Variants in PCDH9 observed in about 807,000 individuals in gnomAD.
The protein encoded by PCDH9 is protocadherin-9.
Under a neutral mutation model 70.6 loss-of-function variants are expected in PCDH9, and 24 were observed. The observed-to-expected ratio is 0.34, with a 90% CI of 0.25 to 0.48. The LOEUF (loss-of-function observed/expected upper bound fraction) is 0.48, where lower values mean the gene tolerates loss of function less well. Among genes scored for constraint, PCDH9 ranks in the 20% least tolerant of loss-of-function variants. The probability of loss-of-function intolerance (pLI) is 0.99; values close to 1 mark genes in which losing one functional copy is unlikely to be tolerated. For synonymous variants in PCDH9, 562 were observed against 558.5 expected (o/e 1.01, Z -0.09); for missense variants, 1,281 against 1,503.6 (o/e 0.85, Z 2.45).
Position 66,303,124 on chromosome 13 carries a change from T to C in PCDH9, c.*1531A>G, listed in dbSNP as rs28657574. ...TTTTAAATTTTTTGTTTTTTTTTTG[T>C]TTTTTTTACTTTTAAATTGATGGTG... On this transcript the variant is annotated 3_prime_UTR_variant, in exon 5 of 5. Transcript: ENST00000377865. 1 of 151,408 alleles carries C rather than the reference T, an allele frequency of 6.6e-6. No individual in the cohort carries two copies. Among genetic ancestry groups the C allele is most frequent in the East Asian group, 2.0e-4 (1 of 5,042 alleles). The allele number at this position is 151,408 out of a possible 1,614,324, so 9.4% of individuals were successfully genotyped here.
chr13:66,336,685 T>C (rs1168738200), intron 4 of PCDH9, among the ~76,000 whole-genome samples: 2 of 152,090 alleles, frequency 1.3e-5, no homozygotes, highest in Non-Finnish European at 2.9e-5. Context: ...TAATAATTCA[T>C]AGTTTTCTAG....
At chr13:66,418,385 A>G (rs890384074) in intron 4 of PCDH9, among the ~76,000 whole-genome samples, 5 of 152,100 alleles carry the variant, frequency 3.3e-5, no homozygotes, top group African/African-American at 1.2e-4. Flanking sequence ...GTACCAGCAC[A>G]ATGTTGTTTG....
chr13:66,613,955 G>A (rs2077324949), intron 4 of PCDH9, among the ~76,000 whole-genome samples: 1 of 152,156 alleles, frequency 6.6e-6, no homozygotes, highest in Non-Finnish European at 1.5e-5. Context: ...CTGCTTTTTA[G>A]GTTTTGAGAA....
At chr13:66,872,541 A>T (rs543528711) in intron 3 of PCDH9, among the ~76,000 whole-genome samples, 1 of 152,220 alleles carries the variant, frequency 6.6e-6, no homozygotes, top group Admixed American at 6.5e-5. Context: ...GTTTAAAAAC[A>T]GCACGAAGAA....
At position 66,304,763 on chromosome 13, in the gene PCDH9, T is replaced by C. The variant is rs776032766; in HGVS notation, c.3606A>G (p.Glu1202=). The C allele has an allele frequency of 6.2e-7, 1 of 1,613,492 alleles. No individual in the cohort carries two copies. Among genetic ancestry groups the C allele is most frequent in the Non-Finnish European group, 8.5e-7 (1 of 1,179,680 alleles). Residue 1202 remains glutamate, a synonymous_variant, in exon 5 of 5, where the codon GAA becomes GAG. Transcript: ENST00000377865. ...TGTGGCTGCCATTGTTGAAATGGCCTTCATTGGAGCCATACTGCTTACGGT... is the reference window on the plus strand; with the variant it reads ...TGTGGCTGCCATTGTTGAAATGGCCCTCATTGGAGCCATACTGCTTACGGT... ...FNDRKQYGSN[E]GHFNNGSHMT...
Position 66,812,944 on chromosome 13 carries a change from G to A in PCDH9, c.3138+90560C>T, listed in dbSNP as rs373373092. On this transcript the variant is annotated intron_variant, in intron 3 of 4. Coordinates refer to ENST00000377865, the MANE Select transcript of PCDH9 (RefSeq NM_203487.3). ...TAAATCCATGGCTAATCATTTTCAGGCTCGTCATTCTGTAGTATCCAAAAT... is the reference window on the plus strand; with the variant it reads ...TAAATCCATGGCTAATCATTTTCAGACTCGTCATTCTGTAGTATCCAAAAT... Among the ~76,000 whole-genome samples, 4 of 152,070 alleles carry A rather than the reference G, an allele frequency of 2.6e-5. No homozygotes were observed. In the East Asian group the frequency reaches 5.8e-4, roughly 22 times the overall value.
intron 4 of PCDH9, among the ~76,000 whole-genome samples, chr13:66,398,120 C>T (rs189619229): frequency 6.6e-6 from 1 of 151,982 alleles, no homozygotes; most frequent in African/African-American, 2.4e-5. Flanking sequence ...ATATGACAGG[C>T]AGAGTTAGGA....
chr13:67,125,962 A>G (rs1171675269), intron 2 of PCDH9, among the ~76,000 whole-genome samples: 2 of 152,120 alleles, frequency 1.3e-5, no homozygotes, highest in Admixed American at 6.6e-5. Context: ...TAAATGTGCT[A>G]ACTCATTTAA....
At chr13:66,555,902 TAA>T (rs1961716773) in intron 4 of PCDH9, among the ~76,000 whole-genome samples, 1 of 148,194 alleles carries the variant, frequency 6.7e-6, no homozygotes, top group African/African-American at 2.4e-5. Context: ...TATATATATA[TAA>T]GATATATACA....
At chr13:66,531,183 A>G (rs1356808772) in intron 4 of PCDH9, among the ~76,000 whole-genome samples, 1 of 151,054 alleles carries the variant, frequency 6.6e-6, no homozygotes, top group African/African-American at 2.4e-5. Context: ...TATTGGTTCT[A>G]TTAGACTCAG....
At chr13:66,703,816 G>T (rs2078678199) in intron 3 of PCDH9, among the ~76,000 whole-genome samples, 1 of 152,030 alleles carries the variant, frequency 6.6e-6, no homozygotes, top group Admixed American at 6.6e-5. Flanking sequence ...AAGGTTGATT[G>T]ATTGAGCCTG....
chr13:66,486,579 T>C (rs899524637), intron 4 of PCDH9, among the ~76,000 whole-genome samples: 1 of 148,604 alleles, frequency 6.7e-6, no homozygotes, highest in African/African-American at 2.5e-5. Context: ...GAAGCTACAG[T>C]AGGCTATGAT....
At chr13:66,704,651 G>A (rs775162112) in intron 3 of PCDH9, among the ~76,000 whole-genome samples, 2 of 152,122 alleles carry the variant, frequency 1.3e-5, no homozygotes, top group Non-Finnish European at 2.9e-5. Flanking sequence ...GATGACAATG[G>A]AAATGGTGTC....
At chr13:66,555,198 T>C (rs902040450) in intron 4 of PCDH9, among the ~76,000 whole-genome samples, 3 of 152,074 alleles carry the variant, frequency 2.0e-5, no homozygotes, top group African/African-American at 7.2e-5. Context: ...AAATAAATGC[T>C]TCTTGTATTT....
chr13:66,510,243 C>T (rs991352407), intron 4 of PCDH9, among the ~76,000 whole-genome samples: 6 of 151,924 alleles, frequency 3.9e-5, no homozygotes, highest in Non-Finnish European at 8.8e-5. Context: ...TAATGTGCCT[C>T]GGTTTAAAAC....
intron 3 of PCDH9, among the ~76,000 whole-genome samples, chr13:66,769,482 G>GTT (rs34815868): frequency 6.2e-5 from 9 of 145,306 alleles, no homozygotes; most frequent in East Asian, 2.0e-4. Context: ...TAGCAACATG[G>GTT]TTTTTTTTTT....
chr13:67,057,393 T>C (rs538149257), intron 2 of PCDH9, among the ~76,000 whole-genome samples: 73 of 152,142 alleles, frequency 4.8e-4, no homozygotes, highest in Non-Finnish European at 8.7e-4. Context: ...TCCATCTCAC[T>C]GGCATGGTTA....
At chr13:67,147,769 A>G (rs951515164) in intron 2 of PCDH9, among the ~76,000 whole-genome samples, 3 of 152,198 alleles carry the variant, frequency 2.0e-5, no homozygotes, top group South Asian at 2.1e-4. Context: ...CATTCCCTCA[A>G]TGAGTATCAG....
chr13:66,949,068 C>T (rs549000305), intron 2 of PCDH9, among the ~76,000 whole-genome samples: 50 of 152,112 alleles, frequency 3.3e-4, no homozygotes, highest in African/African-American at 1.1e-3. Context: ...AGTAGGCGTA[C>T]GAGCTTGGCT....
Sources: allele counts gnomAD v4.1 joint callset (sites outside exome capture counted in the v4.1 genomes callset), GRCh38; gene constraint gnomAD v4.1.1; transcripts MANE v1.5; gene names NCBI Gene and HGNC (gene_info 2026-07-23, HGNC 2026-07-21).